The following CBR4 variants were observed in gnomAD, a reference collection of about 807,000 sequenced individuals.
The protein encoded by CBR4 is 3-oxoacyl-[acyl-carrier-protein] reductase.
In CBR4, 22 loss-of-function variants were observed where a neutral mutation model predicts 21.0. The ratio of observed to expected loss-of-function variants is 1.05; its 90% CI spans 0.75 to 1.50. The LOEUF is 1.50. CBR4 is among the 40% of genes most tolerant of loss of function. The pLI is 0.00. For synonymous variants in CBR4, 100 were observed against 104.4 expected (o/e 0.96, Z 0.26); for missense variants, 302 against 286.3 (o/e 1.05, Z -0.40).
intron 2 of CBR4, among the ~76,000 whole-genome samples, chr4:168,976,835 AG>A (rs1380796250): frequency 1.3e-5 from 2 of 152,248 alleles, no homozygotes; most frequent in Non-Finnish European, 2.9e-5. Flanking sequence ...CAGTTAAGGC[AG>A]GAACTGGCTA....
chr4:168,911,469 C>T (rs1198221274), intron 2 of CBR4, among the ~76,000 whole-genome samples: 1 of 152,150 alleles, frequency 6.6e-6, no homozygotes, highest in African/African-American at 2.4e-5. Flanking sequence ...CACATCAGGA[C>T]AATTGGAAGC....
chr4:168,958,651 T>G (rs1763756687), intron 2 of CBR4, among the ~76,000 whole-genome samples: 1 of 152,220 alleles, frequency 6.6e-6, no homozygotes, highest in Non-Finnish European at 1.5e-5. Context: ...GTTTTGCAGT[T>G]TGTAACATTT....
chr4:168,903,304 G>A (rs993088890), intron 2 of CBR4, among the ~76,000 whole-genome samples: 5 of 151,604 alleles, frequency 3.3e-5, no homozygotes, highest in Non-Finnish European at 7.4e-5. Flanking sequence ...TAGAGTTTGG[G>A]GTCTGCTTTT....
At chr4:168,937,580 A>C (rs960281921) in intron 2 of CBR4, among the ~76,000 whole-genome samples, 2 of 152,118 alleles carry the variant, frequency 1.3e-5, no homozygotes, top group Non-Finnish European at 2.9e-5. Context: ...TCACGTGCAA[A>C]GACACACATA....
chr4:169,001,053 T>C (rs565692830), intron 4 of CBR4: 1 of 152,190 alleles, frequency 6.6e-6, no homozygotes, highest in South Asian at 2.1e-4. Flanking sequence ...GGCATGATCA[T>C]AGCTCACTGC....
chr4:168,894,904 C>A, intron 2 of CBR4: 1 of 618,716 alleles, frequency 1.6e-6, no homozygotes, highest in Non-Finnish European at 2.7e-6. Flanking sequence ...TCTTTTTATT[C>A]TTCTTCTTGA....
intron 2 of CBR4, among the ~76,000 whole-genome samples, chr4:168,906,192 T>TA (rs1294191450): frequency 1.3e-5 from 2 of 152,202 alleles, no homozygotes; most frequent in Admixed American, 1.3e-4. Context: ...CTGTGGTCCT[T>TA]ACGTATTTGC....
chr4:168,919,186 AC>A (rs1212539132), intron 2 of CBR4, among the ~76,000 whole-genome samples: 2 of 152,136 alleles, frequency 1.3e-5, no homozygotes, highest in Non-Finnish European at 2.9e-5. Context: ...CAAAAAGTAA[AC>A]TGCCTATTGA....
At chr4:169,007,165 CA>C (rs1383774022) in intron 2 of CBR4, among the ~76,000 whole-genome samples, 1 of 152,136 alleles carries the variant, frequency 6.6e-6, no homozygotes, top group Non-Finnish European at 1.5e-5. Context: ...AACATATAGC[CA>C]AAATAGTTTG....
Position 168,976,896 on chromosome 4 carries a change from T to C in CBR4, n.169+25175A>G, listed in dbSNP as rs141947783. On this transcript the variant is annotated intron_variant and non_coding_transcript_variant, in intron 2 of 3. Transcript: ENST00000509108. ...ACTTGCTTCAGGCCATCTAGATGTATACATGCAGGTCACAGGGGATATGAT... is the reference window on the plus strand; with the variant it reads ...ACTTGCTTCAGGCCATCTAGATGTACACATGCAGGTCACAGGGGATATGAT... Among the ~76,000 whole-genome samples, 743 of 152,330 alleles carry C rather than the reference T, an allele frequency of 4.9e-3. 7 individuals are homozygous for C. The highest frequency in any genetic ancestry group is 5.5e-3 in the Admixed American group (84 of 15,312).
Position 168,950,452 on chromosome 4 carries a change from A to T in CBR4, n.169+51619T>A, listed in dbSNP as rs956658938. On this transcript the variant is annotated intron_variant and non_coding_transcript_variant, in intron 2 of 3. Coordinates refer to the CBR4 transcript ENST00000509108. ...TACAGTTTTATTCCACTGTGGTCTG[A>T]GAGAGTGCTTGATATAATTTCAATT... Among the ~76,000 whole-genome samples, 6 of 152,274 alleles carry T rather than the reference A, an allele frequency of 3.9e-5. No homozygotes were observed. The Middle Eastern group carries it at 0.014, about 345-fold the overall frequency.
downstream of CBR4, among the ~76,000 whole-genome samples, chr4:168,984,584 A>G (rs1764632916): frequency 6.6e-6 from 1 of 152,186 alleles, no homozygotes; most frequent in Non-Finnish European, 1.5e-5. Context: ...ACCAAAAAAG[A>G]GCCAAAGAGT....
intron 2 of CBR4, among the ~76,000 whole-genome samples, chr4:168,958,954 T>C (rs1270933383): frequency 6.6e-6 from 1 of 152,192 alleles, no homozygotes; most frequent in Non-Finnish European, 1.5e-5. Flanking sequence ...CATGTATATA[T>C]GTATATATAT....
intron 2 of CBR4, among the ~76,000 whole-genome samples, chr4:168,936,177 T>A (rs1038778533): frequency 5.3e-5 from 8 of 152,202 alleles, no homozygotes; most frequent in African/African-American, 1.7e-4. Flanking sequence ...CCAGCAGACC[T>A]GCAGTAGAGG....
At chr4:168,926,464 A>C in intron 2 of CBR4, 2 of 994,656 alleles carry the variant, frequency 2.0e-6, no homozygotes. Flanking sequence ...ATTATGTAAA[A>C]GGCAGAAACA....
intron 2 of CBR4, chr4:168,926,064 C>T: frequency 1.6e-6 from 1 of 616,558 alleles, no homozygotes; most frequent in Non-Finnish European, 2.7e-6. Flanking sequence ...GAGTAAAATG[C>T]AAAAGTGTTC....
downstream of CBR4, among the ~76,000 whole-genome samples, chr4:168,984,998 C>G (rs1290279064): frequency 6.6e-6 from 1 of 151,812 alleles, no homozygotes; most frequent in East Asian, 1.9e-4. Context: ...GGACATGGGC[C>G]CAGGTAAAAA....
At chr4:168,959,843 G>C (rs1413803895) in intron 2 of CBR4, among the ~76,000 whole-genome samples, 1 of 148,350 alleles carries the variant, frequency 6.7e-6, no homozygotes, top group African/African-American at 2.5e-5. Context: ...GATTACAGGC[G>C]TGAGCCACCA....
chr4:169,000,299 G>A (rs1335014194), intron 4 of CBR4, among the ~76,000 whole-genome samples: 1 of 150,768 alleles, frequency 6.6e-6, no homozygotes, highest in Non-Finnish European at 1.5e-5. Context: ...CCTACTCCCA[G>A]CAAATAGATG....
Sources: allele counts gnomAD v4.1 joint callset (sites outside exome capture counted in the v4.1 genomes callset), GRCh38; gene constraint gnomAD v4.1.1; transcripts MANE v1.5; gene names NCBI Gene and HGNC (gene_info 2026-07-23, HGNC 2026-07-21).